Variants in C19orf47 observed in about 807,000 individuals in gnomAD.
C19orf47 encodes the protein chromosome 19 open reading frame 47.
Under a neutral mutation model 32.3 loss-of-function variants are expected in C19orf47, and 18 were observed. The ratio of observed to expected loss-of-function variants is 0.56; its 90% confidence interval spans 0.39 to 0.83. The LOEUF (loss-of-function observed/expected upper bound fraction) is 0.83, where lower values mean the gene tolerates loss of function less well. C19orf47 is among the 40% of genes least tolerant of loss of function. The pLI, the probability that C19orf47 is intolerant of heterozygous loss-of-function variation, is 0.00. For missense variants in C19orf47, 484 were observed against 531.6 expected, an observed-to-expected ratio of 0.91 and a Z score of 0.88; for synonymous variants, 202 against 211.1, an observed-to-expected ratio of 0.96 and a Z score of 0.37.
the C19orf47 span, among the ~76,000 whole-genome samples, chr19:40,312,244 T>G: frequency 6.6e-6 from 1 of 151,982 alleles, no homozygotes; most frequent in Non-Finnish European, 1.5e-5. Flanking sequence ...CTTCCAATGC[T>G]AGGTTAGAAA....
chr19:40,322,337 T>C lies in C19orf47; in HGVS notation c.703A>G (p.Thr235Ala). The C allele has an allele frequency of 6.2e-7, 1 of 1,600,362 alleles. No individual in the cohort carries two copies. The highest frequency in any genetic ancestry group is 8.5e-7 in the Non-Finnish European group (1 of 1,171,876). Residue 235 changes from threonine to alanine, a missense_variant, in exon 9 of 9, where the codon ACG becomes GCG. Around this residue, in one of 3 missense-constraint regions of C19orf47, gnomAD observed 376 missense variants for 370.2 expected, o/e 1.02. Coordinates refer to ENST00000683109, the MANE Select transcript of C19orf47 (RefSeq NM_001256441.2). The stretch of plus-strand genomic sequence containing the variant: ...CTGTCCCAAGCCAGATCCTCGTCCG[T>C]TTCTGGGGTGGCCCCCAGGCGGCTG... The part of the protein sequence containing the change: ...VFSRLGATPE[T>A]DEDLAWDSDN...
chr19:40,316,271 C>T (rs1427515378), downstream of C19orf47, among the ~76,000 whole-genome samples: 1 of 152,184 alleles, frequency 6.6e-6, no homozygotes. Context: ...TGCTAGTTTG[C>T]ATCTGGCTTT....
In C19orf47 at chr19:40,324,006, T is replaced by A; in HGVS notation, c.663A>T (p.Lys221Asn). The change falls in exon 8 of 9, where the codon AAA (lysine) becomes AAT (asparagine). Residue 221 changes from lysine to asparagine, a missense_variant and splice_region_variant. Lys to Asn is a moderately conservative substitution (Grantham distance 94, BLOSUM62 0). Around this residue, in one of 3 missense-constraint regions of C19orf47, gnomAD observed 376 missense variants for 370.2 expected, o/e 1.02. Coordinates refer to ENST00000683109, the MANE Select transcript of C19orf47 (RefSeq NM_001256441.2). ...GAATCGCTCCCCCATCCCCACTCAC[T>A]TTACTCCCTGTCGTGGTGTCTGCCT... ...ETKADTTTGS[K>N]PTGVFSRLGA... 1 of 1,614,216 alleles carries A rather than the reference T, an allele frequency of 6.2e-7. No individual in the cohort carries two copies. The highest frequency in any genetic ancestry group is 8.5e-7 in the Non-Finnish European group (1 of 1,180,038).
chr19:40,339,371 T>A (rs1238424778), intron 2 of C19orf47, among the ~76,000 whole-genome samples: 1 of 152,216 alleles, frequency 6.6e-6, no homozygotes, highest in East Asian at 1.9e-4. Context: ...TTGGAATCGA[T>A]GAGATGTGGC....
chr19:40,339,033 A>G (rs895514300), intron 2 of C19orf47: 1 of 152,456 alleles, frequency 6.6e-6, no homozygotes, highest in African/African-American at 2.4e-5. Context: ...GCCAAAGCCT[A>G]TGATTGATTA....
At chr19:40,307,088 CCT>C in the C19orf47 span, among the ~76,000 whole-genome samples, 1 of 132,328 alleles carries the variant, frequency 7.6e-6, no homozygotes, top group South Asian at 2.5e-4. Flanking sequence ...CGCGCCCGGC[CCT>C]TTTTTTTTTT....
the C19orf47 span, among the ~76,000 whole-genome samples, chr19:40,311,445 G>T: frequency 6.6e-6 from 1 of 151,992 alleles, no homozygotes; most frequent in Admixed American, 6.6e-5. Context: ...AGGAGGCTGA[G>T]GTGGGAGGAT....
intron 1 of C19orf47, chr19:40,343,758 A>C (rs1220099941): frequency 1.3e-5 from 2 of 148,482 alleles, no homozygotes; most frequent in Non-Finnish European, 3.0e-5. Flanking sequence ...CTCTATCCTC[A>C]CTAGGGTTAA....
intron 5 of C19orf47, 139 bp downstream of exon 5, chr19:40,333,712 A>G: frequency 1.6e-6 from 1 of 634,514 alleles, no homozygotes; most frequent in Non-Finnish European, 2.6e-6. Flanking sequence ...TTTTTCCCCT[A>G]AAAGAAGAGT....
At chr19:40,333,183 G>A (rs1190066018) in intron 5 of C19orf47, among the ~76,000 whole-genome samples, 3 of 151,670 alleles carry the variant, frequency 2.0e-5, no homozygotes, top group Admixed American at 6.6e-5. Context: ...GCTTGAACCC[G>A]GGAGGTGGAG....
At position 40,328,415 on chromosome 19, in the gene C19orf47, G is replaced by A. The variant is rs759051347; in HGVS notation, c.437C>T (p.Thr146Ile). Reference protein sequence around the residue: ...NKMAAKSAKATAALARREEES... With the variant: ...NKMAAKSAKAIAALARREEES... ...ACCACCTGCCCATGTTCCCTCACCAGTGGCCTTGGCACTCTTTGCTGCCAT... is the reference window on the plus strand; with the variant it reads ...ACCACCTGCCCATGTTCCCTCACCAATGGCCTTGGCACTCTTTGCTGCCAT... Residue 146 changes from threonine to isoleucine, a missense_variant and splice_region_variant, in exon 6 of 9, where the codon ACT becomes ATT. Physicochemically the swap from Thr to Ile is moderately conservative, Grantham distance 89. Transcript: ENST00000683109. The A allele has an allele frequency of 1.2e-6, 2 of 1,612,606 alleles. No homozygotes were observed. The highest frequency in any genetic ancestry group is 1.7e-6 in the Non-Finnish European group (2 of 1,179,356).
At chr19:40,338,115 C>T (rs1474198103) in intron 2 of C19orf47, among the ~76,000 whole-genome samples, 2 of 151,876 alleles carry the variant, frequency 1.3e-5, no homozygotes. Flanking sequence ...CCCTCTGTCG[C>T]CTAGGCCAGA....
chr19:40,327,866 G>A (rs2077866367), intron 6 of C19orf47, among the ~76,000 whole-genome samples: 1 of 152,214 alleles, frequency 6.6e-6, no homozygotes, highest in Admixed American at 6.5e-5. Context: ...AGCATGCAAA[G>A]TGGGGCGATG....
rs2077720112 is a variant in C19orf47 at position 40,321,680 on chromosome 19, A to T, written c.*202T>A. 1.4e-6 allele frequency: 2 copies of T among 1,406,168 alleles called. No individual in the cohort carries two copies. The highest frequency in any genetic ancestry group is 5.3e-5 in the East Asian group (2 of 38,078). 87.1% of individuals were successfully genotyped at this position (1,406,168 alleles called of 1,614,324 possible). ...GGACATGAGAGAAGGGGAGTCCTGGAGCAGGCCAGGCCAGCTGCGACGACC... is the reference window on the plus strand; with the variant it reads ...GGACATGAGAGAAGGGGAGTCCTGGTGCAGGCCAGGCCAGCTGCGACGACC... On this transcript the variant is annotated 3_prime_UTR_variant, in exon 9 of 9. Transcript: ENST00000683109.
At chr19:40,310,667 T>TATAAAA in the C19orf47 span, among the ~76,000 whole-genome samples, 1 of 152,172 alleles carries the variant, frequency 6.6e-6, no homozygotes, top group African/African-American at 2.4e-5. Flanking sequence ...TATGTACTAA[T>TATAAAA]ATAAAACAAT....
Position 40,321,346 on chromosome 19 carries a change from C to G in C19orf47, c.*536G>C, listed in dbSNP as rs983873954. The G allele has an allele frequency of 1.0e-6, 1 of 988,396 alleles. No individual in the cohort carries two copies. The highest frequency in any genetic ancestry group is 1.2e-6 in the Non-Finnish European group (1 of 831,890). The allele number at this position is 988,396 out of a possible 1,614,324, so 61.2% of individuals were successfully genotyped here. A position where few individuals can be genotyped will look rare whatever the true frequency, so the allele number is the denominator to read the frequency against. On this transcript the variant is annotated 3_prime_UTR_variant, in exon 9 of 9. Transcript: ENST00000683109. ...GGTCGGGCAGGACGCAGCGGACAGT[C>G]GGGCCTTGCCACGGGGACAGAAAAC...
chr19:40,328,361 C>A, intron 6 of C19orf47, 52 bp downstream of exon 6: 1 of 1,601,582 alleles, frequency 6.2e-7, no homozygotes, highest in Non-Finnish European at 8.5e-7. Context: ...ACACCTCCTA[C>A]CAACCCACGT....
the C19orf47 span, among the ~76,000 whole-genome samples, chr19:40,295,998 G>A: frequency 6.8e-6 from 1 of 148,120 alleles, no homozygotes; most frequent in African/African-American, 2.5e-5. Flanking sequence ...CTCCTGCCCT[G>A]GCCTCCCAAA....
At chr19:40,330,317 C>T (rs2145558260) in intron 5 of C19orf47, among the ~76,000 whole-genome samples, 1 of 151,776 alleles carries the variant, frequency 6.6e-6, no homozygotes, top group Middle Eastern at 3.4e-3. Flanking sequence ...CAAGCTCTGC[C>T]TCCCAGGTTC....
Sources: gnomAD v4.1 joint callset for allele counts (sites outside exome capture counted in the v4.1 genomes callset) on GRCh38, gnomAD v4.1.1 for gene constraint, gnomAD v4.1.1 regional missense constraint, MANE v1.5 for transcripts, NCBI Gene and HGNC (gene_info 2026-07-23, HGNC 2026-07-21) for gene names.